The following ZNF490 variants were observed in gnomAD, a reference collection of about 807,000 sequenced individuals.
The protein encoded by ZNF490 is zinc finger protein 490.
ZNF490 carries 11 observed loss-of-function variants against 17.7 expected under a neutral mutation model. That is an observed-to-expected ratio of 0.62 (90% CI 0.39 to 1.03). ZNF490 has a LOEUF of 1.03. ZNF490 is among the 50% of genes least tolerant of loss of function. ZNF490 has a pLI of 0.00. For synonymous variants in ZNF490, 222 were observed against 216.1 expected (o/e 1.03, Z -0.24); for missense variants, 542 against 643.4 (o/e 0.84, Z 1.71).
chr19:12,597,450 GA>G (rs1438720922), intron 2 of ZNF490: 1 of 270,284 alleles, frequency 3.7e-6, no homozygotes, highest in Non-Finnish European at 7.5e-6. Context: ...TCCCGGCGGG[GA>G]TATTTGCATG....
chr19:12,594,978 G>C (rs952065501), intron 2 of ZNF490, among the ~76,000 whole-genome samples: 8 of 152,194 alleles, frequency 5.3e-5, no homozygotes, highest in African/African-American at 1.9e-4. Flanking sequence ...GCTGGGCCTG[G>C]TGGCTTATTC....
chr19:12,582,912 T>C lies in ZNF490; in HGVS notation c.290-2A>G, dbSNP rs1220501489. 1 of 1,610,526 alleles carries C rather than the reference T, an allele frequency of 6.2e-7. No homozygotes were observed. The highest frequency in any genetic ancestry group is 8.5e-7 in the Non-Finnish European group (1 of 1,178,078). ...TATCCTGGTCTTTCCATTTTTCCCCTAAAATACAAGCCCAGAGAACTCACA... is the reference window on the plus strand; with the variant it reads ...TATCCTGGTCTTTCCATTTTTCCCCCAAAATACAAGCCCAGAGAACTCACA... On this transcript the variant is annotated splice_acceptor_variant, in intron 3 of 4. Transcript: ENST00000311437. LOFTEE classifies it high-confidence loss of function.
intron 2 of ZNF490, among the ~76,000 whole-genome samples, chr19:12,604,974 T>C (rs1426669864): frequency 6.6e-6 from 1 of 151,880 alleles, no homozygotes; most frequent in Non-Finnish European, 1.5e-5. Flanking sequence ...GCCAACATGG[T>C]GAAACCCCTT....
In ZNF490 at chr19:12,580,878, G is replaced by T; in HGVS notation, c.1197C>A (p.Phe399Leu). 6.2e-7 allele frequency: 1 copy of T among 1,614,142 alleles called. No individual in the cohort carries two copies. The highest frequency in any genetic ancestry group is 8.5e-7 in the Non-Finnish European group (1 of 1,180,002). ...PYECKQCGKA[F>L]NSSSYLQLHE... Reference sequence around the variant, plus strand: ...GCAACTGAAGGTAACTTGAAGAATTGAAGGCTTTACCACATTGTTTACATT... The same window carrying T: ...GCAACTGAAGGTAACTTGAAGAATTTAAGGCTTTACCACATTGTTTACATT... Residue 399 changes from phenylalanine (F) to leucine (L), a missense_variant, in exon 5 of 5, where the codon TTC (phenylalanine) becomes TTA (leucine). Phe to Leu is a conservative substitution (Grantham distance 22, BLOSUM62 0). Transcript: ENST00000311437.
At chr19:12,604,127 A>G (rs906499704) in intron 2 of ZNF490, among the ~76,000 whole-genome samples, 6 of 152,224 alleles carry the variant, frequency 3.9e-5, no homozygotes, top group African/African-American at 1.2e-4. Context: ...AAACCCAAAA[A>G]CACGGCTCAG....
intron 2 of ZNF490, among the ~76,000 whole-genome samples, chr19:12,604,570 G>A (rs1160843884): frequency 1.3e-5 from 2 of 151,970 alleles, no homozygotes; most frequent in African/African-American, 4.8e-5. Context: ...ACTGAGGTAG[G>A]AGAATCACTT....
At chr19:12,585,267 C>T (rs1299037705) in intron 2 of ZNF490, among the ~76,000 whole-genome samples, 3 of 93,428 alleles carry the variant, frequency 3.2e-5, no homozygotes, top group South Asian at 2.9e-4. Flanking sequence ...AAAAGCCAGG[C>T]GGGGTGGCTC....
rs2022642408 is a variant in ZNF490, at chr19:12,576,739, C to T, written c.*3746G>A. ...GGCTGAGGCAGGAGAATTGCTTGAACCTGAGAAGTGGAGGTTGCAGTGAGC... is the reference window on the plus strand; with the variant it reads ...GGCTGAGGCAGGAGAATTGCTTGAATCTGAGAAGTGGAGGTTGCAGTGAGC... On this transcript the variant is annotated 3_prime_UTR_variant, in exon 5 of 5. Coordinates refer to ENST00000311437, the MANE Select transcript of ZNF490 (RefSeq NM_020714.3). Among the ~76,000 whole-genome samples, 1 of 148,582 alleles carries T rather than the reference C, an allele frequency of 6.7e-6. No homozygotes were observed.
In ZNF490 at chr19:12,589,792, G is replaced by A. The variant is rs189263175; in HGVS notation, c.163-6236C>T. On this transcript the variant is annotated intron_variant, in intron 2 of 4. Transcript: ENST00000311437. ...ACAAGAAACCTGCAGTTAACATCAC[G>A]CTTAATGTGAAAAACTAGATGTTTT... 4.6e-5 allele frequency among the ~76,000 whole-genome samples: 7 copies of A among 152,052 alleles called. No homozygotes were observed. The East Asian group carries it at 7.7e-4, about 17-fold the overall frequency.
rs2022635477 is a variant in ZNF490 at position 12,576,390 on chromosome 19, C to A, written c.*4095G>T. Among the ~76,000 whole-genome samples the A allele has an allele frequency of 6.6e-6, 1 of 151,686 alleles. No homozygotes were observed. Among genetic ancestry groups the A allele is most frequent in the Non-Finnish European group, 1.5e-5 (1 of 67,982 alleles). ...GTATGGTGGCACGCGCCTGTAATCC[C>A]AGCTACTCAGGAGGCTGAAACAGGA... On this transcript the variant is annotated 3_prime_UTR_variant, in exon 5 of 5. Transcript: ENST00000311437.
At position 12,581,556 on chromosome 19, in the gene ZNF490, C is replaced by T. The variant is rs1231226744; in HGVS notation, c.519G>A (p.Arg173=). The stretch of plus-strand genomic sequence containing the variant: ...TCTGTTCAGTGTGAGATCTCATGTG[C>T]CTATTAAGGGAGACCTGATGCATGA... ...EVFMHQVSLN[R]HMRSHTEQKP... Residue 173 remains arginine, a synonymous_variant, in exon 5 of 5, where the codon AGG becomes AGA. Transcript: ENST00000311437. 6 of 1,613,988 alleles carry T rather than the reference C, an allele frequency of 3.7e-6. No individual in the cohort carries two copies. The African/African-American group carries it at 8.0e-5, about 22-fold the overall frequency.
At chr19:12,582,761 G>C in intron 4 of ZNF490, 89 bp downstream of exon 4, 1 of 1,129,396 alleles carries the variant, frequency 8.9e-7, no homozygotes, top group Non-Finnish European at 1.3e-6. Flanking sequence ...CTGAAACTCT[G>C]CTTATTGTTT....
intron 2 of ZNF490, among the ~76,000 whole-genome samples, chr19:12,585,414 G>A (rs568914732): frequency 1.1e-5 from 1 of 92,638 alleles, no homozygotes; most frequent in Non-Finnish European, 2.9e-5. Context: ...AAGACTGGGT[G>A]TCTTTCGGGA....
Position 12,580,682 on chromosome 19 carries a change from C to A in ZNF490, c.1393G>T (p.Glu465Ter), listed in dbSNP as rs774653522. The change falls in exon 5 of 5, where the codon GAA (glutamate) becomes TAA (stop). Residue 465 changes from glutamate (E) to a stop codon, truncating the protein, a stop_gained. Coordinates refer to ENST00000311437, the MANE Select transcript of ZNF490 (RefSeq NM_020714.3). LOFTEE classifies it low-confidence loss of function (END_TRUNC). ...FIYFSHLRRH[E>*]RSHTGVKPCE... ...GGTTTCACTCCAGTGTGACTTCTTT[C>A]GTGCCTTCGAAGGTGACTGAAGTAA... 6.2e-7 allele frequency: 1 copy of A among 1,614,048 alleles called. No homozygotes were observed. Among genetic ancestry groups the A allele is most frequent in the African/African-American group, 1.3e-5 (1 of 74,934 alleles).
At chr19:12,608,547 T>G (rs879407977) in intron 2 of ZNF490, among the ~76,000 whole-genome samples, 1 of 152,030 alleles carries the variant, frequency 6.6e-6, no homozygotes, top group African/African-American at 2.4e-5. Flanking sequence ...CTCAGCTCAC[T>G]GCAACCTCCT....
chr19:12,610,769 C>T lies in ZNF490; in HGVS notation c.-89G>A. On this transcript the variant is annotated 5_prime_UTR_variant, in exon 1 of 5. The change creates a new upstream start codon in the 5' untranslated region. Transcript: ENST00000311437. ...ATTTCTGCTTCAACACAATTGTCCA[C>T]GGAGGGCACCAGTTCCGTCCCACCG... 2 of 1,321,862 alleles carry T rather than the reference C, an allele frequency of 1.5e-6. No homozygotes were observed. Among genetic ancestry groups the T allele is most frequent in the Non-Finnish European group, 2.2e-6 (2 of 926,196 alleles). The allele number at this position is 1,321,862 out of a possible 1,614,324, so 81.9% of individuals were successfully genotyped here.
intron 4 of ZNF490, 77 bp downstream of exon 4, chr19:12,582,773 G>T: frequency 1.7e-6 from 2 of 1,208,938 alleles, no homozygotes; most frequent in South Asian, 1.3e-5. Flanking sequence ...TTATTGTTTT[G>T]CTTGCTTGGC....
At chr19:12,583,310 A>G (rs2022763896) in intron 3 of ZNF490, 120 bp downstream of exon 3, 4 of 1,225,554 alleles carry the variant, frequency 3.3e-6, no homozygotes, top group Non-Finnish European at 4.4e-6. Context: ...AAGCACTGGG[A>G]TTACAGGCGC....
chr19:12,580,599 G>A lies in ZNF490; in HGVS notation c.1476C>T (p.His492=), dbSNP rs2145138210. The change falls in exon 5 of 5, where the codon CAC becomes CAT. Residue 492 remains histidine, a synonymous_variant. Coordinates refer to ENST00000311437, the MANE Select transcript of ZNF490 (RefSeq NM_020714.3). The stretch of plus-strand genomic sequence containing the variant: ...GTCTTTCTCCAGTATGAATTCTTTT[G>A]TGTACTTTCAGGGAATTTAAACAAG... ...AFTCLNSLKV[H]KRIHTGERPF... is the part of the protein sequence containing the mutation. 6.2e-7 allele frequency: 1 copy of A among 1,614,118 alleles called. No homozygotes were observed. Among genetic ancestry groups the A allele is most frequent in the Non-Finnish European group, 8.5e-7 (1 of 1,180,030 alleles).
Sources: gnomAD v4.1 joint callset for allele counts (sites outside exome capture counted in the v4.1 genomes callset) on GRCh38, gnomAD v4.1.1 for gene constraint, MANE v1.5 for transcripts, NCBI Gene and HGNC (gene_info 2026-07-23, HGNC 2026-07-21) for gene names.